ZUP1: variants seen among roughly 807,000 people sequenced by gnomAD.
The protein encoded by ZUP1 is zinc finger-containing ubiquitin peptidase 1.
ZUP1 carries 55 observed loss-of-function variants against 68.1 expected under a neutral mutation model. The observed-to-expected ratio is 0.81, with a 90% CI of 0.65 to 1.01. The LOEUF (loss-of-function observed/expected upper bound fraction) is 1.01. Ranked by LOEUF, ZUP1 falls within the 50% of genes least tolerant of loss-of-function variation. The probability of loss-of-function intolerance (pLI) is 0.00; values close to 1 mark genes in which losing one functional copy is unlikely to be tolerated. For synonymous variants in ZUP1, 223 were observed against 221.5 expected, an observed-to-expected ratio of 1.01 and a Z score of -0.06; for missense variants, 684 against 674.9, an observed-to-expected ratio of 1.01 and a Z score of -0.15.
chr6:116,666,657 T>C lies in ZUP1; in HGVS notation c.536A>G (p.Asn179Ser), dbSNP rs1193484944. 2.5e-6 allele frequency: 4 copies of C among 1,587,880 alleles called. No homozygotes were observed. The highest frequency in any genetic ancestry group is 1.7e-4 in the Middle Eastern group (1 of 5,960). Residue 179 changes from asparagine to serine, a missense_variant, in exon 2 of 10, where the codon AAT becomes AGT. Asn to Ser is a conservative substitution (Grantham distance 46). Coordinates refer to ENST00000368576, the MANE Select transcript of ZUP1 (RefSeq NM_145062.3). ...ACCTTCCAATGGAATGTCTAAAAGA[T>C]TGGCATGCTTTGTTTTCACATGAGT... ...METHVKTKHA[N>S]LLDIPLEDCD...
intron 2 of ZUP1, among the ~76,000 whole-genome samples, chr6:116,663,079 T>C (rs1776895326): frequency 6.6e-6 from 1 of 152,110 alleles, no homozygotes; most frequent in Non-Finnish European, 1.5e-5. Flanking sequence ...ATGACAAAAA[T>C]TATACCCTTA....
At chr6:116,644,359 A>C (rs1776219755) in intron 9 of ZUP1, among the ~76,000 whole-genome samples, 1 of 152,172 alleles carries the variant, frequency 6.6e-6, no homozygotes, top group Admixed American at 6.5e-5. Context: ...AAAGGACTAT[A>C]AATCATGCTG....
chr6:116,638,273 T>G (rs1037384501), intron 9 of ZUP1, among the ~76,000 whole-genome samples: 2 of 152,162 alleles, frequency 1.3e-5, no homozygotes, highest in African/African-American at 2.4e-5. Flanking sequence ...TTTTCTTAAT[T>G]TAGGGCTTAC....
chr6:116,658,160 T>C (rs904778774), intron 4 of ZUP1, among the ~76,000 whole-genome samples: 2 of 152,102 alleles, frequency 1.3e-5, no homozygotes, highest in East Asian at 3.8e-4. Flanking sequence ...CAGATAACAC[T>C]ACAGTCTACA....
chr6:116,652,295 T>G (rs1218797754), intron 5 of ZUP1, 103 bp from the exon 6 acceptor site: 1 of 857,572 alleles, frequency 1.2e-6, no homozygotes, highest in African/African-American at 1.7e-5. Context: ...ACCTAAATCC[T>G]GTTAATTCCA....
rs186014987 is a variant in ZUP1 at position 116,657,133 on chromosome 6, C to A, written c.793-281G>T. ...AAAGCAGAGGATCCTGTCTTTCTAC[C>A]TCAGGTATTGGGAGATGCAGAAGAG... is the stretch of plus-strand genomic sequence containing the variant. On this transcript the variant is annotated intron_variant, in intron 4 of 9. Coordinates refer to ENST00000368576, the MANE Select transcript of ZUP1 (RefSeq NM_145062.3). Among the ~76,000 whole-genome samples, 5 of 152,224 alleles carry A rather than the reference C, an allele frequency of 3.3e-5. No homozygotes were observed. In the East Asian group the frequency reaches 7.7e-4, roughly 24 times the overall value.
chr6:116,637,304 A>C (rs1261994490), intron 9 of ZUP1, among the ~76,000 whole-genome samples: 1 of 152,198 alleles, frequency 6.6e-6, no homozygotes. Flanking sequence ...AATGGTGTCT[A>C]CTTTATAGGG....
At chr6:116,661,578 T>A (rs982045343) in intron 2 of ZUP1, among the ~76,000 whole-genome samples, 1 of 152,178 alleles carries the variant, frequency 6.6e-6, no homozygotes, top group Non-Finnish European at 1.5e-5. Flanking sequence ...GCTGCATCCA[T>A]CACATAGCAC....
rs772652404 is a variant in ZUP1, at chr6:116,668,718, G to A, written c.-168C>T. ...AATACGCAGAGTTTCACAGTTAACCGAGGAAAGAATTAGGAACTTCCAACA... is the reference window on the plus strand; with the variant it reads ...AATACGCAGAGTTTCACAGTTAACCAAGGAAAGAATTAGGAACTTCCAACA... On this transcript the variant is annotated 5_prime_UTR_variant, in exon 1 of 10. Coordinates refer to ENST00000368576, the MANE Select transcript of ZUP1 (RefSeq NM_145062.3). 2.0e-5 allele frequency: 3 copies of A among 152,254 alleles called. No homozygotes were observed. Among genetic ancestry groups the A allele is most frequent in the Non-Finnish European group, 4.4e-5 (3 of 68,100 alleles). 9.4% of individuals were successfully genotyped at this position (152,254 alleles called of 1,614,324 possible).
intron 5 of ZUP1, among the ~76,000 whole-genome samples, chr6:116,654,653 A>C (rs183064325): frequency 3.7e-4 from 56 of 152,116 alleles, no homozygotes; most frequent in African/African-American, 1.3e-3. Context: ...GGCCTGAAAA[A>C]GATATTTGGA....
intron 2 of ZUP1, among the ~76,000 whole-genome samples, chr6:116,662,081 TA>T (rs1042484296): frequency 1.3e-5 from 2 of 152,096 alleles, no homozygotes; most frequent in African/African-American, 4.8e-5. Flanking sequence ...ATCATTGGAA[TA>T]AAAAATTCAA....
chr6:116,641,603 G>A (rs900603048), intron 9 of ZUP1, among the ~76,000 whole-genome samples: 30 of 152,044 alleles, frequency 2.0e-4, no homozygotes, highest in Non-Finnish European at 3.7e-4. Flanking sequence ...GGTACATAAC[G>A]AAATGAAGGC....
chr6:116,652,616 G>A (rs1019274365), intron 5 of ZUP1, among the ~76,000 whole-genome samples: 5 of 151,832 alleles, frequency 3.3e-5, no homozygotes, highest in African/African-American at 9.7e-5. Context: ...TGCAATTTTC[G>A]AAGCATGAGA....
At chr6:116,638,853 C>A (rs12194386) in intron 9 of ZUP1, among the ~76,000 whole-genome samples, 3 of 152,020 alleles carry the variant, frequency 2.0e-5, no homozygotes, top group African/African-American at 7.2e-5. Context: ...GTGGGTGCAG[C>A]GCACCATGCG....
intron 4 of ZUP1, among the ~76,000 whole-genome samples, chr6:116,658,352 T>C (rs1776729354): frequency 6.6e-6 from 1 of 152,226 alleles, no homozygotes; most frequent in Non-Finnish European, 1.5e-5. Flanking sequence ...TTGCAATCTG[T>C]AAAATAATTT....
At chr6:116,640,951 G>C (rs554423353) in intron 9 of ZUP1, among the ~76,000 whole-genome samples, 24 of 147,282 alleles carry the variant, frequency 1.6e-4, no homozygotes, top group African/African-American at 2.3e-4. Context: ...CCCATCTCAC[G>C]TGCAGAGACA....
chr6:116,646,945 C>G (rs77643869), intron 8 of ZUP1, among the ~76,000 whole-genome samples: 1 of 151,942 alleles, frequency 6.6e-6, no homozygotes, highest in Non-Finnish European at 1.5e-5. Context: ...GGTAAAGACC[C>G]AAGAAGGTAA....
chr6:116,661,495 G>A (rs1177663509), intron 2 of ZUP1, among the ~76,000 whole-genome samples: 1 of 152,220 alleles, frequency 6.6e-6, no homozygotes, highest in African/African-American at 2.4e-5. Flanking sequence ...GTGGTAAGGT[G>A]CTGAACTTAA....
chr6:116,641,820 G>A (rs1380653793), intron 9 of ZUP1, among the ~76,000 whole-genome samples: 5 of 151,942 alleles, frequency 3.3e-5, no homozygotes, highest in Non-Finnish European at 5.9e-5. Flanking sequence ...GCTAGCAGGA[G>A]GCAAGAAATA....
Sources: gnomAD v4.1 joint callset for allele counts (sites outside exome capture counted in the v4.1 genomes callset) on GRCh38, gnomAD v4.1.1 for gene constraint, MANE v1.5 for transcripts, NCBI Gene and HGNC (gene_info 2026-07-23, HGNC 2026-07-21) for gene names.